The following UBAP2L variants were observed in gnomAD, a reference collection of about 807,000 sequenced individuals.
UBAP2L encodes ubiquitin associated protein 2 like, also known as ubiquitin-associated protein 2-like.
A neutral mutation model predicts 130.6 loss-of-function variants in UBAP2L; 12 were observed. The observed-to-expected ratio is 0.09, with a 90% CI of 0.06 to 0.15. The LOEUF (loss-of-function observed/expected upper bound fraction) is 0.15. Ranked by LOEUF, UBAP2L falls within the 10% of genes least tolerant of loss-of-function variation. The pLI is 1.00. For missense variants in UBAP2L, 965 were observed against 1,332.5 expected, an observed-to-expected ratio of 0.72 and a Z score of 4.29; for synonymous variants, 503 against 524.7, an observed-to-expected ratio of 0.96 and a Z score of 0.57.
rs1282530723 is a variant in UBAP2L at position 154,254,876 on chromosome 1, C to T, written c.1895C>T (p.Thr632Ile). 5 of 1,601,986 alleles carry T rather than the reference C, an allele frequency of 3.1e-6. No homozygotes were observed. The highest frequency in any genetic ancestry group is 1.7e-6 in the Non-Finnish European group (2 of 1,177,168). ...SSVQATQLQT[T>I]QSVEGATGSA... ...GTGCAGGCCACGCAGTTACAGACCA[C>T]ACAATCTGTTGAAGGTGAGTGTTCT... Residue 632 changes from threonine to isoleucine, a missense_variant, in exon 16 of 27, where the codon ACA becomes ATA. Around this residue, in one of 9 missense-constraint regions of UBAP2L, gnomAD observed 393 missense variants for 408.1 expected, o/e 0.96. Transcript: ENST00000428931.
At chr1:154,230,420 A>G (rs532125426) in intron 4 of UBAP2L, among the ~76,000 whole-genome samples, 1 of 152,192 alleles carries the variant, frequency 6.6e-6, no homozygotes, top group Non-Finnish European at 1.5e-5. Context: ...AAACAATTGA[A>G]TTTAAATTGG....
chr1:154,227,453 A>G, intron 3 of UBAP2L, 94 bp downstream of exon 3: 3 of 1,127,794 alleles, frequency 2.7e-6, no homozygotes, highest in East Asian at 2.4e-5. Flanking sequence ...GATACTTTCT[A>G]CTATAGGTAT....
Position 154,270,770 on chromosome 1 carries a change from G to GTTTTTTTTTTTTTT in UBAP2L, c.*478_*491dup, listed in dbSNP as rs370017648. ...AATTAGTTGAAGTGGTTTTTTTTTTGTTTTTTTTTTTTTTTTGTACTGTGT... is the reference window on the plus strand; with the variant it reads ...AATTAGTTGAAGTGGTTTTTTTTTTGTTTTTTTTTTTTTTTTTTTTTTTTTTTTTTGTACTGTGT... On this transcript the variant is annotated 3_prime_UTR_variant, in exon 27 of 27. Coordinates refer to ENST00000428931, the MANE Select transcript of UBAP2L (RefSeq NM_014847.4). The GTTTTTTTTTTTTTT allele has an allele frequency of 5.2e-4, 476 of 920,346 alleles. 8 individuals carry two copies. The highest frequency in any genetic ancestry group is 1.1e-3 in the East Asian group (12 of 11,214). 57.0% of individuals were successfully genotyped at this position (920,346 alleles called of 1,614,324 possible).
Position 154,251,633 on chromosome 1 carries a change from C to G in UBAP2L, c.1644C>G (p.Ser548Arg), listed in dbSNP as rs1252932182. 54 of 1,614,058 alleles carry G rather than the reference C, an allele frequency of 3.3e-5. No homozygotes were observed. Among genetic ancestry groups the G allele is most frequent in the Non-Finnish European group, 4.3e-5 (51 of 1,180,010 alleles). Residue 548 changes from serine (S) to arginine (R), a missense_variant, in exon 14 of 27, where the codon AGC becomes AGG. Transcript: ENST00000428931. Reference sequence around the variant, plus strand: ...CCTCTTCAAGCCAGGCTCCAAGTAGCCTGTATACCAGCACGGCCAGGTAGA... The same window carrying G: ...CCTCTTCAAGCCAGGCTCCAAGTAGGCTGTATACCAGCACGGCCAGGTAGA... ...TSASSSQAPS[S>R]LYTSTASESS...
chr1:154,257,029 C>T (rs1679903437), intron 18 of UBAP2L, 34 bp from the exon 19 acceptor site: 4 of 1,597,180 alleles, frequency 2.5e-6, no homozygotes, highest in African/African-American at 1.3e-5. Context: ...GATCTCTTTT[C>T]TTCTTCTCTC....
At chr1:154,231,301 T>C (rs1361461621) in intron 4 of UBAP2L, among the ~76,000 whole-genome samples, 1 of 150,850 alleles carries the variant, frequency 6.6e-6, no homozygotes, top group South Asian at 2.1e-4. Context: ...TTTTTTTTTT[T>C]TCTTTTTTCT....
In UBAP2L at chr1:154,261,061, G is replaced by A. The variant is rs144103198; in HGVS notation, c.2748G>A (p.Gly916=). Residue 916 remains glycine (G), a synonymous_variant, in exon 23 of 27, where the codon GGG becomes GGA. Coordinates refer to ENST00000428931, the MANE Select transcript of UBAP2L (RefSeq NM_014847.4). ...ACACCAGCCTGCCATACTATACAGG[G>A]GTCCCGGGCCTCCCCAGCACCTTCC... ...YSYTSLPYYT[G]VPGLPSTFQY... The A allele has an allele frequency of 2.5e-6, 4 of 1,614,094 alleles. No homozygotes were observed. The highest frequency in any genetic ancestry group is 3.4e-6 in the Non-Finnish European group (4 of 1,180,046).
intron 11 of UBAP2L, among the ~76,000 whole-genome samples, chr1:154,246,704 C>G (rs181981900): frequency 6.6e-6 from 1 of 152,170 alleles, no homozygotes; most frequent in African/African-American, 2.4e-5. Flanking sequence ...TTTTGCAGCC[C>G]TCATTAAACT....
At chr1:154,269,659 G>A (rs1003953147) in intron 26 of UBAP2L, 1 of 344,892 alleles carries the variant, frequency 2.9e-6, no homozygotes, top group Admixed American at 3.9e-5. Flanking sequence ...GATTCTTGGG[G>A]CAGCATCTGG....
At chr1:154,226,164 T>C (rs998133561) in intron 2 of UBAP2L, among the ~76,000 whole-genome samples, 1 of 152,234 alleles carries the variant, frequency 6.6e-6, no homozygotes, top group African/African-American at 2.4e-5. Context: ...TTTTATCCTT[T>C]GCTCCTCTTT....
At chr1:154,234,541 C>T (rs1185919980) in intron 4 of UBAP2L, 50 bp from the exon 5 acceptor site, 2 of 1,597,632 alleles carry the variant, frequency 1.3e-6, no homozygotes, top group African/African-American at 1.3e-5. Context: ...TCTCTAGTGT[C>T]CTGATAGCAC....
intron 9 of UBAP2L, chr1:154,241,802 G>A: frequency 2.0e-6 from 2 of 984,362 alleles, no homozygotes; most frequent in Non-Finnish European, 1.2e-6. Flanking sequence ...ACTTGTGTAA[G>A]TCCAATATCT....
Position 154,260,986 on chromosome 1 carries a change from T to G in UBAP2L, c.2673T>G (p.His891Gln). The G allele has an allele frequency of 1.9e-6, 3 of 1,614,192 alleles. No individual in the cohort carries two copies. Among genetic ancestry groups the G allele is most frequent in the Non-Finnish European group, 2.5e-6 (3 of 1,180,032 alleles). ...QPQQNQTQTH[H>Q]TTQQTFLNPA... is the part of the protein sequence containing the mutation. ...AACAGAACCAGACGCAGACTCACCA[T>G]ACCACGCAGCAGACATTCCTGAACC... Residue 891 changes from histidine to glutamine, a missense_variant, in exon 23 of 27, where the codon CAT becomes CAG. His to Gln is a conservative substitution (Grantham distance 24). Around this residue, in one of 9 missense-constraint regions of UBAP2L, gnomAD observed 194 missense variants for 334.0 expected, o/e 0.58. Transcript: ENST00000428931.
rs773742787 is a variant in UBAP2L, at chr1:154,270,255, A to G, written c.3224A>G (p.Asn1075Ser). ...TSSIPQKPQT[N>S]KSAYNSYSWG... ...TCCATCCCGCAGAAGCCCCAGACCA[A>G]CAAGTCTGCCTACAACAGCTACAGC... The change falls in exon 27 of 27, where the codon AAC (asparagine) becomes AGC (serine). Residue 1075 changes from asparagine (N) to serine (S), a missense_variant. By Grantham distance (46) the Asn-to-Ser change is conservative. Around this residue, in one of 9 missense-constraint regions of UBAP2L, gnomAD observed 194 missense variants for 334.0 expected, o/e 0.58. Coordinates refer to ENST00000428931, the MANE Select transcript of UBAP2L (RefSeq NM_014847.4). The G allele has an allele frequency of 6.2e-6, 10 of 1,613,526 alleles. No homozygotes were observed. Among genetic ancestry groups the G allele is most frequent in the Non-Finnish European group, 1.7e-6 (2 of 1,179,838 alleles).
At position 154,255,668 on chromosome 1, in the gene UBAP2L, C is replaced by CT. The variant is rs765984755; in HGVS notation, c.2085-8dup. ...ATAGCACTATGGCTGATGGCAGCCT[C>CT]TTTTTTTCTGACAGCACGTTATCTA... On this transcript the variant is annotated splice_polypyrimidine_tract_variant and intron_variant, in intron 17 of 26. Coordinates refer to ENST00000428931, the MANE Select transcript of UBAP2L (RefSeq NM_014847.4). 18 of 1,614,054 alleles carry CT rather than the reference C, an allele frequency of 1.1e-5. No individual in the cohort carries two copies. The African/African-American group carries it at 1.5e-4, about 13-fold the overall frequency.
At chr1:154,265,056 G>A (rs1367430187) in intron 24 of UBAP2L, among the ~76,000 whole-genome samples, 7 of 152,140 alleles carry the variant, frequency 4.6e-5, no homozygotes, top group Non-Finnish European at 8.8e-5. Context: ...TTGATGCTTC[G>A]GAGATGAGGA....
At chr1:154,231,370 G>A (rs1183549523) in intron 4 of UBAP2L, among the ~76,000 whole-genome samples, 1 of 146,214 alleles carries the variant, frequency 6.8e-6, no homozygotes, top group Non-Finnish European at 1.5e-5. Flanking sequence ...GTGAGATCTC[G>A]GCTCACTGCA....
intron 9 of UBAP2L, chr1:154,243,001 T>G (rs936347585): frequency 5.1e-6 from 2 of 392,460 alleles, no homozygotes; most frequent in Non-Finnish European, 9.4e-6. Context: ...TCCACTATAT[T>G]TTATTGGGTT....
intron 8 of UBAP2L, among the ~76,000 whole-genome samples, chr1:154,239,835 A>G (rs537727248): frequency 2.8e-4 from 42 of 152,218 alleles, no homozygotes; most frequent in Non-Finnish European, 5.7e-4. Flanking sequence ...TGTGGTATCA[A>G]TGAAGGAGAA....
Sources: gnomAD v4.1 joint callset for allele counts (sites outside exome capture counted in the v4.1 genomes callset) on GRCh38, gnomAD v4.1.1 for gene constraint, gnomAD v4.1.1 regional missense constraint, MANE v1.5 for transcripts, NCBI Gene and HGNC (gene_info 2026-07-23, HGNC 2026-07-21) for gene names.